Variants in SGCZ observed in about 807,000 individuals in gnomAD.
The protein encoded by SGCZ is sarcoglycan zeta.
A neutral mutation model predicts 41.3 loss-of-function variants in SGCZ; 40 were observed. The ratio of observed to expected loss-of-function variants is 0.97; its 90% CI spans 0.75 to 1.26. The LOEUF is 1.26. SGCZ is among the 50% of genes most tolerant of loss of function. The probability of loss-of-function intolerance (pLI) is 0.00; values close to 1 mark genes in which losing one functional copy is unlikely to be tolerated. For synonymous variants in SGCZ, 206 were observed against 137.5 expected, an observed-to-expected ratio of 1.50 and a Z score of -3.49; for missense variants, 552 against 369.8, an observed-to-expected ratio of 1.49 and a Z score of -4.04.
chr8:14,649,077 C>A (rs7840645), intron 1 of SGCZ, among the ~76,000 whole-genome samples: 16,534 of 152,102 alleles, frequency 0.11, 1,081 homozygotes, highest in African/African-American at 0.19. Context: ...TAGCAACTGA[C>A]TGCGTGTTTT....
chr8:15,066,859 A>T (rs2131021175), intron 1 of SGCZ, among the ~76,000 whole-genome samples: 1 of 152,342 alleles, frequency 6.6e-6, no homozygotes, highest in South Asian at 2.1e-4. Flanking sequence ...GTTGGAAAGC[A>T]AGAGGATTTC....
chr8:14,423,580 C>G (rs1799694551), intron 2 of SGCZ, among the ~76,000 whole-genome samples: 2 of 152,176 alleles, frequency 1.3e-5, no homozygotes, highest in African/African-American at 4.8e-5. Context: ...CCATACCTGG[C>G]TAATTTTGTA....
chr8:15,195,825 CTT>C lies in SGCZ; in HGVS notation c.39+41758_39+41759del. On this transcript the variant is annotated intron_variant, in intron 1 of 7. Transcript: ENST00000382080. Reference sequence around the variant, plus strand: ...AACTGTATGTTTATAGCAAATGAGACTTAACACAAGCTAATAGCTACTCTTTA... The same window carrying C: ...AACTGTATGTTTATAGCAAATGAGACAACACAAGCTAATAGCTACTCTTTA... Among the ~76,000 whole-genome samples the C allele has an allele frequency of 5.3e-5, 8 of 150,980 alleles. No individual in the cohort carries two copies. In the South Asian group the frequency reaches 1.7e-3, roughly 32 times the overall value.
At chr8:14,365,214 T>C (rs898249660) in intron 2 of SGCZ, among the ~76,000 whole-genome samples, 2 of 152,086 alleles carry the variant, frequency 1.3e-5, no homozygotes, top group Non-Finnish European at 2.9e-5. Context: ...TTTTATACTT[T>C]ATTATACATT....
intron 1 of SGCZ, among the ~76,000 whole-genome samples, chr8:14,881,145 G>A (rs1804571817): frequency 6.6e-6 from 1 of 151,790 alleles, no homozygotes; most frequent in Non-Finnish European, 1.5e-5. Flanking sequence ...GAAAACAAGT[G>A]GAAATACAAT....
At chr8:15,168,046 C>G (rs189951348) in intron 1 of SGCZ, among the ~76,000 whole-genome samples, 1 of 152,202 alleles carries the variant, frequency 6.6e-6, no homozygotes, top group African/African-American at 2.4e-5. Context: ...CACCAGCTAT[C>G]TGGGTATGTC....
intron 1 of SGCZ, among the ~76,000 whole-genome samples, chr8:14,840,990 C>A (rs1802886341): frequency 6.6e-6 from 1 of 151,970 alleles, no homozygotes; most frequent in Non-Finnish European, 1.5e-5. Context: ...GTCAGTCTTA[C>A]AATTTTCATC....
At chr8:15,037,690 G>C (rs747687743) in intron 1 of SGCZ, among the ~76,000 whole-genome samples, 5 of 152,136 alleles carry the variant, frequency 3.3e-5, no homozygotes, top group African/African-American at 7.2e-5. Context: ...AACTGTCCCT[G>C]TTTGAAGAGA....
intron 1 of SGCZ, among the ~76,000 whole-genome samples, chr8:15,100,023 AT>A (rs1203633540): frequency 2.0e-5 from 3 of 152,126 alleles, no homozygotes; most frequent in Admixed American, 6.5e-5. Flanking sequence ...AAAAGAGATA[AT>A]TTTTCCCAAA....
At chr8:14,489,851 C>A (rs969044904) in intron 2 of SGCZ, among the ~76,000 whole-genome samples, 1 of 138,952 alleles carries the variant, frequency 7.2e-6, no homozygotes, top group Non-Finnish European at 1.5e-5. Context: ...ACTGGCTCGC[C>A]GAAAAATTCT....
chr8:14,877,593 G>C (rs1804412019), intron 1 of SGCZ, among the ~76,000 whole-genome samples: 1 of 152,028 alleles, frequency 6.6e-6, no homozygotes, highest in African/African-American at 2.4e-5. Flanking sequence ...AATGAATAGT[G>C]TAAAGATATT....
At chr8:14,451,184 C>G (rs1166398488) in intron 2 of SGCZ, among the ~76,000 whole-genome samples, 4 of 152,146 alleles carry the variant, frequency 2.6e-5, no homozygotes, top group Admixed American at 1.3e-4. Flanking sequence ...TTTCTGCTAA[C>G]CGTAAACCAT....
At chr8:14,313,701 T>C (rs986157884) in intron 3 of SGCZ, among the ~76,000 whole-genome samples, 36 of 152,182 alleles carry the variant, frequency 2.4e-4, no homozygotes, top group Admixed American at 2.0e-4. Flanking sequence ...TTTAAAGATA[T>C]GTAATATTGA....
rs555537204 is a variant in SGCZ at position 14,700,818 on chromosome 8, G to A, written c.40-145892C>T. 8.3e-4 allele frequency among the ~76,000 whole-genome samples: 126 copies of A among 151,848 alleles called. 1 individual carries two copies. The highest frequency in any genetic ancestry group is 2.9e-3 in the African/African-American group (121 of 41,436). On this transcript the variant is annotated intron_variant, in intron 1 of 7. Coordinates refer to ENST00000382080, the MANE Select transcript of SGCZ (RefSeq NM_139167.4). ...ACTTCTCTGTAATCAAAGGCCAACT[G>A]CCACCACAAAGGGAGGTGATAGAAA...
intron 1 of SGCZ, among the ~76,000 whole-genome samples, chr8:14,793,551 G>C (rs1457738270): frequency 4.6e-5 from 7 of 152,166 alleles, no homozygotes; most frequent in Non-Finnish European, 8.8e-5. Context: ...GCTTGACAAA[G>C]CTGCTTCCTT....
chr8:14,919,205 G>A (rs1390986213), intron 1 of SGCZ, among the ~76,000 whole-genome samples: 1 of 152,138 alleles, frequency 6.6e-6, no homozygotes, highest in Non-Finnish European at 1.5e-5. Context: ...TTGGGAGGCC[G>A]AGGCAGGTGG....
At chr8:15,185,192 G>A (rs1462364381) in intron 1 of SGCZ, among the ~76,000 whole-genome samples, 1 of 152,084 alleles carries the variant, frequency 6.6e-6, no homozygotes, top group African/African-American at 2.4e-5. Context: ...AAGTTAGGAG[G>A]AAAAAATAGA....
At chr8:14,147,764 T>C (rs987149801) in intron 5 of SGCZ, among the ~76,000 whole-genome samples, 3 of 152,114 alleles carry the variant, frequency 2.0e-5, no homozygotes, top group African/African-American at 7.2e-5. Context: ...CATATTCTTT[T>C]CCTCAGCATG....
intron 2 of SGCZ, among the ~76,000 whole-genome samples, chr8:14,532,792 C>T (rs1288727487): frequency 6.6e-6 from 1 of 151,228 alleles, no homozygotes. Context: ...CTTAAATTGA[C>T]TACAAAAACG....
Sources: gnomAD v4.1 joint callset for allele counts (sites outside exome capture counted in the v4.1 genomes callset) on GRCh38, gnomAD v4.1.1 for gene constraint, MANE v1.5 for transcripts, NCBI Gene and HGNC (gene_info 2026-07-23, HGNC 2026-07-21) for gene names.